Variants in CPLANE1 observed in about 807,000 individuals in gnomAD.
The protein encoded by CPLANE1 is ciliogenesis and planar polarity effector complex subunit 1, also known as ciliogenesis and planar polarity effector 1.
A neutral mutation model predicts 362.5 loss-of-function variants in CPLANE1; 263 were observed. That is an observed-to-expected ratio of 0.73 (90% CI 0.66 to 0.80). The LOEUF is 0.80. Among genes scored for constraint, CPLANE1 ranks in the 30% least tolerant of loss-of-function variants. CPLANE1 has a pLI of 0.00. For missense variants in CPLANE1, 3,461 were observed against 3,793.4 expected (o/e 0.91, Z 2.30); for synonymous variants, 1,212 against 1,302.6 (o/e 0.93, Z 1.50).
intron 7 of CPLANE1, 91 bp downstream of exon 7, chr5:37,239,622 A>T: frequency 2.4e-5 from 17 of 720,376 alleles, no homozygotes; most frequent in South Asian, 1.4e-4. Flanking sequence ...AAAAAAATGG[A>T]TATAAAGGAG....
At chr5:37,196,061 A>G in intron 20 of CPLANE1, 65 bp from the exon 21 acceptor site, 4 of 1,363,154 alleles carry the variant, frequency 2.9e-6, no homozygotes, top group Non-Finnish European at 2.9e-6. Flanking sequence ...AAAAGAAACT[A>G]TAAAAGAATC....
Position 37,182,762 on chromosome 5 carries a change from T to C in CPLANE1, c.5419A>G (p.Lys1807Glu). ...ATYKAKNAII[K>E]MVENRDTGCQ... ...TAATAAACAATTGATATGCTTACCTTAATAATGGCATTTTTTGCCTTATAT... is the reference window on the plus strand; with the variant it reads ...TAATAAACAATTGATATGCTTACCTCAATAATGGCATTTTTTGCCTTATAT... Residue 1807 changes from lysine (K) to glutamate (E), a missense_variant and splice_region_variant, in exon 26 of 53, where the codon AAG (lysine) becomes GAG (glutamate). Around this residue, in one of 2 missense-constraint regions of CPLANE1, gnomAD observed 3,380 missense variants for 3,666.1 expected, o/e 0.92. Coordinates refer to ENST00000651892, the MANE Select transcript of CPLANE1 (RefSeq NM_001384732.1). 6.3e-7 allele frequency: 1 copy of C among 1,589,346 alleles called. No homozygotes were observed. Among genetic ancestry groups the C allele is most frequent in the East Asian group, 2.2e-5 (1 of 44,726 alleles).
In CPLANE1 at chr5:37,148,283, C is replaced by A; in HGVS notation, c.8374-15G>T. Reference sequence around the variant, plus strand: ...ACTGGTCCAATCTGTAGAAAAAACACACACAACAAAACAACAGTAATACTT... The same window carrying A: ...ACTGGTCCAATCTGTAGAAAAAACAAACACAACAAAACAACAGTAATACTT... On this transcript the variant is annotated splice_polypyrimidine_tract_variant and intron_variant, in intron 42 of 52. Coordinates refer to ENST00000651892, the MANE Select transcript of CPLANE1 (RefSeq NM_001384732.1). 2 of 1,559,604 alleles carry A rather than the reference C, an allele frequency of 1.3e-6. No homozygotes were observed. The highest frequency in any genetic ancestry group is 8.8e-7 in the Non-Finnish European group (1 of 1,135,968).
At position 37,107,628 on chromosome 5, in the gene CPLANE1, A is replaced by G. The variant is rs368852403; in HGVS notation, c.9730T>C (p.Ser3244Pro). ...MVASVEDQGLSVHWALDL is the reference protein window; with the variant it reads ...MVASVEDQGLPVHWALDL ...TACAGGTCCAGGGCCCAGTGGACAG[A>G]CAGGCCCTGGTCCTCCACGCTGGCC... Residue 3244 changes from serine (S) to proline (P), a missense_variant, in exon 53 of 53, where the codon TCT (serine) becomes CCT (proline). This residue lies in a region of CPLANE1 where 81 missense variants were observed against 127.3 expected (regional missense o/e 0.64). Coordinates refer to ENST00000651892, the MANE Select transcript of CPLANE1 (RefSeq NM_001384732.1). 11 of 1,610,966 alleles carry G rather than the reference A, an allele frequency of 6.8e-6. No individual in the cohort carries two copies. The African/African-American group carries it at 1.1e-4, about 16-fold the overall frequency.
At chr5:37,204,539 G>C (rs1045496638) in intron 18 of CPLANE1, among the ~76,000 whole-genome samples, 2 of 151,902 alleles carry the variant, frequency 1.3e-5, no homozygotes, top group East Asian at 1.9e-4. Context: ...TTATGCACTA[G>C]GTGAGAGTTG....
At chr5:37,164,681 A>C (rs1219151453) in intron 36 of CPLANE1, among the ~76,000 whole-genome samples, 1 of 152,226 alleles carries the variant, frequency 6.6e-6, no homozygotes, top group African/African-American at 2.4e-5. Context: ...GCCTCTAAAC[A>C]TGCTCTTGAG....
intron 34 of CPLANE1, 70 bp from the exon 35 acceptor site, chr5:37,167,283 CTG>C: frequency 8.2e-7 from 1 of 1,213,420 alleles, no homozygotes. Flanking sequence ...CAACAAAAGA[CTG>C]AGGAAAAATA....
At chr5:37,207,303 G>A (rs1379167283) in intron 16 of CPLANE1, among the ~76,000 whole-genome samples, 1 of 152,182 alleles carries the variant, frequency 6.6e-6, no homozygotes, top group East Asian at 1.9e-4. Flanking sequence ...TATGCCTACT[G>A]CAAGAACTAA....
intron 44 of CPLANE1, chr5:37,141,333 T>C (rs1394142780): frequency 1.0e-6 from 1 of 985,366 alleles, no homozygotes; most frequent in Non-Finnish European, 1.2e-6. Context: ...TTAACCTCAT[T>C]TGTCAATCCT....
intron 42 of CPLANE1, among the ~76,000 whole-genome samples, 187 bp downstream of exon 42, chr5:37,153,553 G>A (rs961898939): frequency 6.6e-6 from 1 of 152,014 alleles, no homozygotes; most frequent in African/African-American, 2.4e-5. Flanking sequence ...ATCCTACAAC[G>A]CATGGGACAG....
intron 6 of CPLANE1, 67 bp from the exon 7 acceptor site, chr5:37,239,936 T>C (rs927775031): frequency 1.7e-6 from 2 of 1,161,226 alleles, no homozygotes; most frequent in African/African-American, 3.1e-5. Context: ...TGTAGTTCAT[T>C]ACAAAAATTA....
Position 37,114,847 on chromosome 5 carries a change from C to T in CPLANE1, c.9400+113G>A, listed in dbSNP as rs113542492. The T allele has an allele frequency of 2.2e-3, 1,337 of 620,570 alleles. 2 individuals carry two copies. Among genetic ancestry groups the T allele is most frequent in the Admixed American group, 3.9e-3 (132 of 34,244 alleles). 38.4% of individuals were successfully genotyped at this position (620,570 alleles called of 1,614,324 possible). On this transcript the variant is annotated intron_variant, in intron 51 of 52. Transcript: ENST00000651892. ...CCCGGGAGTGGAGGTTACAGTGAGCCGACATTGCACCACTGCACTCCAGAC... is the reference window on the plus strand; with the variant it reads ...CCCGGGAGTGGAGGTTACAGTGAGCTGACATTGCACCACTGCACTCCAGAC...
chr5:37,102,018 T>A (rs1221777727), downstream of CPLANE1, among the ~76,000 whole-genome samples: 1 of 151,398 alleles, frequency 6.6e-6, no homozygotes, highest in East Asian at 1.9e-4. Flanking sequence ...TAGCAGTCAA[T>A]TAATTTTTTC....
chr5:37,183,458 GAAT>G lies in CPLANE1; in HGVS notation c.4720_4722del (p.Ile1574del). On this transcript the variant is annotated inframe_deletion, in exon 26 of 53. Transcript: ENST00000651892. ...TTTCCAGAAAAACTAGTTAGAAATG[GAAT>G]GTCAGCATCCCTGGAATAAGGTAGG... The G allele has an allele frequency of 6.2e-7, 1 of 1,613,416 alleles. No homozygotes were observed. Among genetic ancestry groups the G allele is most frequent in the Non-Finnish European group, 8.5e-7 (1 of 1,179,522 alleles).
the CPLANE1 span, chr5:37,085,856 G>T: frequency 8.9e-7 from 1 of 1,124,118 alleles, no homozygotes; most frequent in Non-Finnish European, 1.4e-6. Context: ...TGGGTGAAAT[G>T]GTCCCTGGGT....
intron 24 of CPLANE1, among the ~76,000 whole-genome samples, chr5:37,185,973 C>T (rs1019604130): frequency 1.3e-5 from 2 of 152,126 alleles, no homozygotes; most frequent in Non-Finnish European, 2.9e-5. Flanking sequence ...TCTCTGAATA[C>T]ACATCATAAA....
chr5:37,101,360 C>T (rs930640371), downstream of CPLANE1, among the ~76,000 whole-genome samples: 2 of 151,892 alleles, frequency 1.3e-5, no homozygotes, highest in Admixed American at 6.6e-5. Flanking sequence ...TCAAGATAAT[C>T]ATGTGGTTTG....
At chr5:37,104,401 C>A (rs573738017), downstream of CPLANE1, among the ~76,000 whole-genome samples, 13 of 151,560 alleles carry the variant, frequency 8.6e-5, no homozygotes, top group Non-Finnish European at 1.5e-4. Flanking sequence ...AGTTAAGAGA[C>A]CAGCCTGGCC....
intron 43 of CPLANE1, 127 bp from the exon 44 acceptor site, chr5:37,142,607 TA>T (rs1367410721): frequency 3.5e-6 from 2 of 570,550 alleles, no homozygotes; most frequent in African/African-American, 3.9e-5. Flanking sequence ...ATTATGCTAA[TA>T]GCTTTCTACT....
Sources: allele counts gnomAD v4.1 joint callset (sites outside exome capture counted in the v4.1 genomes callset), GRCh38; gene constraint gnomAD v4.1.1; regional missense constraint gnomAD v4.1.1; transcripts MANE v1.5; gene names NCBI Gene and HGNC (gene_info 2026-07-23, HGNC 2026-07-21).